ZNF385D: variants seen among roughly 807,000 people sequenced by gnomAD.
ZNF385D encodes the protein zinc finger protein 385D.
In ZNF385D, 15 loss-of-function variants were observed where a neutral mutation model predicts 35.8. That is an observed-to-expected ratio of 0.42 (90% confidence interval 0.28 to 0.64). The LOEUF is 0.64. Ranked by LOEUF, ZNF385D falls within the 30% of genes least tolerant of loss-of-function variation. The probability of loss-of-function intolerance (pLI) is 0.23; values close to 1 mark genes in which losing one functional copy is unlikely to be tolerated. For missense variants in ZNF385D, 474 were observed against 494.6 expected (o/e 0.96, Z 0.39); for synonymous variants, 212 against 186.8 (o/e 1.13, Z -1.10).
At chr3:21,684,370 CT>C (rs1157403052) in intron 1 of ZNF385D, among the ~76,000 whole-genome samples, 2,424 of 42,604 alleles carry the variant, frequency 0.057, 132 homozygotes, top group African/African-American at 0.17. Context: ...GTTCTCCTCT[CT>C]CTCTCTCTCT....
intron 3 of ZNF385D, among the ~76,000 whole-genome samples, chr3:22,028,956 C>T (rs1037019657): frequency 6.6e-6 from 1 of 152,108 alleles, no homozygotes; most frequent in African/African-American, 2.4e-5. Flanking sequence ...TCTCCCATAG[C>T]CATGATTCAT....
chr3:21,615,724 C>G (rs2064826012), intron 2 of ZNF385D, among the ~76,000 whole-genome samples: 1 of 151,156 alleles, frequency 6.6e-6, no homozygotes, highest in South Asian at 2.1e-4. Context: ...TTGCAGGTGG[C>G]TAAACTATCT....
intron 3 of ZNF385D, among the ~76,000 whole-genome samples, chr3:21,515,207 T>G (rs1220526674): frequency 1.3e-5 from 2 of 152,200 alleles, no homozygotes; most frequent in African/African-American, 4.8e-5. Context: ...TTATCTTATT[T>G]GGCTAAATAA....
At chr3:22,003,495 T>A (rs538879098) in intron 3 of ZNF385D, among the ~76,000 whole-genome samples, 1 of 152,150 alleles carries the variant, frequency 6.6e-6, no homozygotes, top group African/African-American at 2.4e-5. Flanking sequence ...AGAAAGACCA[T>A]AGTACCAAAG....
intron 3 of ZNF385D, among the ~76,000 whole-genome samples, chr3:21,919,825 A>T (rs1700366129): frequency 6.6e-6 from 1 of 152,224 alleles, no homozygotes. Context: ...TATTAAGTAC[A>T]AAATGTAGAA....
chr3:21,503,953 T>C (rs1363112151), intron 4 of ZNF385D, among the ~76,000 whole-genome samples: 2 of 152,132 alleles, frequency 1.3e-5, no homozygotes, highest in Non-Finnish European at 2.9e-5. Context: ...CATCCCTGGT[T>C]TACAATTTCA....
chr3:22,351,218 G>C (rs1695901482), intron 2 of ZNF385D, among the ~76,000 whole-genome samples: 1 of 152,038 alleles, frequency 6.6e-6, no homozygotes, highest in Admixed American at 6.5e-5. Context: ...TTTCCATAAA[G>C]ACAGTAATTT....
At position 21,479,817 on chromosome 3, in the gene ZNF385D, G is replaced by C. The variant is rs145112823; in HGVS notation, c.439+31044C>G. Reference sequence around the variant, plus strand: ...GCCACTTTCTAATATTACTTGATTTGACAGAAATGCATTAGCTATGACAAA... The same window carrying C: ...GCCACTTTCTAATATTACTTGATTTCACAGAAATGCATTAGCTATGACAAA... On this transcript the variant is annotated intron_variant, in intron 4 of 7. Transcript: ENST00000281523. Among the ~76,000 whole-genome samples, 76 of 152,140 alleles carry C rather than the reference G, an allele frequency of 5.0e-4. No individual in the cohort carries two copies. The East Asian group carries it at 0.013, about 25-fold the overall frequency.
chr3:22,351,395 A>G (rs1010075954), intron 2 of ZNF385D, among the ~76,000 whole-genome samples: 2 of 152,090 alleles, frequency 1.3e-5, no homozygotes, highest in South Asian at 2.1e-4. Flanking sequence ...AGTTTATACA[A>G]AGACAAGGGA....
At chr3:21,538,716 A>G (rs2062098641) in intron 3 of ZNF385D, among the ~76,000 whole-genome samples, 2 of 152,100 alleles carry the variant, frequency 1.3e-5, no homozygotes, top group African/African-American at 4.8e-5. Flanking sequence ...TGTGAACTGC[A>G]TATCTCAGTA....
intron 2 of ZNF385D, among the ~76,000 whole-genome samples, chr3:21,582,788 T>C (rs1339103967): frequency 1.4e-5 from 2 of 140,096 alleles, no homozygotes; most frequent in Non-Finnish European, 3.1e-5. Context: ...TTCATTCATT[T>C]ATCCTTTGAG....
At chr3:21,445,557 T>C (rs796841694) in intron 4 of ZNF385D, among the ~76,000 whole-genome samples, 1 of 152,240 alleles carries the variant, frequency 6.6e-6, no homozygotes, top group Non-Finnish European at 1.5e-5. Flanking sequence ...GCATTGTCCT[T>C]AGTTGATAAC....
chr3:22,311,316 G>A (rs1703535718), intron 2 of ZNF385D, among the ~76,000 whole-genome samples: 1 of 151,912 alleles, frequency 6.6e-6, no homozygotes, highest in African/African-American at 2.4e-5. Context: ...GATTTTATGT[G>A]AGTGTGATTC....
chr3:21,797,035 C>G (rs955020501), intron 3 of ZNF385D, among the ~76,000 whole-genome samples: 129 of 152,278 alleles, frequency 8.5e-4, no homozygotes, highest in African/African-American at 3.0e-3. Flanking sequence ...GAATTCCTCT[C>G]CTTGAAAGAC....
Position 21,439,440 on chromosome 3 carries a change from A to G in ZNF385D, c.440-2237T>C, listed in dbSNP as rs533628771. On this transcript the variant is annotated intron_variant, in intron 4 of 7. Coordinates refer to ENST00000281523, the MANE Select transcript of ZNF385D (RefSeq NM_024697.3). ...TCTATCAGGAGTGATAACCGTAAAT[A>G]CAGATATTATATTTAAACTTAGTTT... Among the ~76,000 whole-genome samples the G allele has an allele frequency of 3.9e-5, 6 of 152,150 alleles. No individual in the cohort carries two copies. In the East Asian group the frequency reaches 9.7e-4, roughly 25 times the overall value.
intron 3 of ZNF385D, among the ~76,000 whole-genome samples, chr3:22,167,408 G>C (rs896951427): frequency 6.6e-6 from 1 of 152,108 alleles, no homozygotes; most frequent in Non-Finnish European, 1.5e-5. Flanking sequence ...TGGGGGTGGA[G>C]GACCACCCAC....
chr3:21,781,964 G>T (rs7647574), intron 3 of ZNF385D, among the ~76,000 whole-genome samples: 9,271 of 152,050 alleles, frequency 0.061, 939 homozygotes, highest in African/African-American at 0.21. Flanking sequence ...TGATAAAAAT[G>T]GCCTCTATGA....
At chr3:21,463,730 G>A (rs1379187727) in intron 4 of ZNF385D, among the ~76,000 whole-genome samples, 1 of 152,188 alleles carries the variant, frequency 6.6e-6, no homozygotes, top group African/African-American at 2.4e-5. Flanking sequence ...GAAATCAGGA[G>A]AAACCTCTTC....
rs1390258102 is a variant in ZNF385D at position 22,095,116 on chromosome 3, G to T, written c.325+73701C>A. Among the ~76,000 whole-genome samples, 7 of 144,042 alleles carry T rather than the reference G, an allele frequency of 4.9e-5. No individual in the cohort carries two copies. In the East Asian group the frequency reaches 6.0e-4, roughly 12 times the overall value. 94.5% of individuals were successfully genotyped at this position (144,042 alleles called of 152,430 possible). A position where few individuals can be genotyped will look rare whatever the true frequency, so the allele number is the denominator to read the frequency against. On this transcript the variant is annotated intron_variant, in intron 3 of 5. Coordinates refer to the ZNF385D transcript ENST00000494108. ...TTTTTTTTTTTTTTTGTAGAGATGGGGGGTCTCAGTATGTTGTCCATGCTG... is the reference window on the plus strand; with the variant it reads ...TTTTTTTTTTTTTTTGTAGAGATGGTGGGTCTCAGTATGTTGTCCATGCTG...
Sources: gnomAD v4.1 joint callset for allele counts (sites outside exome capture counted in the v4.1 genomes callset) on GRCh38, gnomAD v4.1.1 for gene constraint, MANE v1.5 for transcripts, NCBI Gene and HGNC (gene_info 2026-07-23, HGNC 2026-07-21) for gene names.